P2RY2: variants seen among roughly 807,000 people sequenced by gnomAD.
The protein encoded by P2RY2 is purinergic receptor P2Y2.
For synonymous variants in P2RY2, 241 were observed against 231.9 expected (o/e 1.04, Z -0.35); for missense variants, 567 against 515.7 (o/e 1.10, Z -0.96).
chr11:73,230,650 A>G (rs998657257), intron 2 of P2RY2, among the ~76,000 whole-genome samples: 1 of 152,068 alleles, frequency 6.6e-6, no homozygotes, highest in Non-Finnish European at 1.5e-5. Context: ...AAGAGCCGTG[A>G]GTTTAACAGG....
chr11:73,234,136 C>A lies in P2RY2; in HGVS notation c.-4-20C>A. 6.3e-7 allele frequency: 1 copy of A among 1,582,346 alleles called. No individual in the cohort carries two copies. Among genetic ancestry groups the A allele is most frequent in the South Asian group, 1.2e-5 (1 of 85,230 alleles). On this transcript the variant is annotated intron_variant, in intron 2 of 2. Coordinates refer to ENST00000393597, the MANE Select transcript of P2RY2 (RefSeq NM_002564.4). Reference sequence around the variant, plus strand: ...GCTCCGGCCACAACCCTGATGGCCCCACCCCTCCCTTCCCTGCAGGGCGAT... The same window carrying A: ...GCTCCGGCCACAACCCTGATGGCCCAACCCCTCCCTTCCCTGCAGGGCGAT...
At position 73,239,345 on chromosome 11, in the gene P2RY2, T is replaced by C. The variant is rs1862726077; in HGVS notation, c.*4052T>C. 1 of 152,276 alleles carries C rather than the reference T, an allele frequency of 6.6e-6. No homozygotes were observed. Among genetic ancestry groups the C allele is most frequent in the African/African-American group, 2.4e-5 (1 of 41,452 alleles). The allele number at this position is 152,276 out of a possible 1,614,324, so 9.4% of individuals were successfully genotyped here. On this transcript the variant is annotated 3_prime_UTR_variant, in exon 3 of 3. Transcript: ENST00000393597. Reference sequence around the variant, plus strand: ...GGACCACCTCTGCCCTGCTTGGCAGTAGGTGGATTTCAGGACCATGGGCCT... The same window carrying C: ...GGACCACCTCTGCCCTGCTTGGCAGCAGGTGGATTTCAGGACCATGGGCCT...
chr11:73,228,786 G>A (rs752068931), intron 2 of P2RY2, among the ~76,000 whole-genome samples: 1 of 152,196 alleles, frequency 6.6e-6, no homozygotes, highest in Non-Finnish European at 1.5e-5. Flanking sequence ...TCCTTGAGAG[G>A]CCCTCAGAGG....
In P2RY2 at chr11:73,234,819, C is replaced by A; in HGVS notation, c.660C>A (p.Leu220=). Reference sequence around the variant, plus strand: ...CCGTCATCCTTGTCTGTTACGTGCTCATGGCTCGGCGACTGCTAAAGCCAG... The same window carrying A: ...CCGTCATCCTTGTCTGTTACGTGCTAATGGCTCGGCGACTGCTAAAGCCAG... The part of the protein sequence containing the change: ...PFAVILVCYV[L]MARRLLKPAY... The change falls in exon 3 of 3, where the codon CTC becomes CTA. Residue 220 remains leucine, a synonymous_variant. Coordinates refer to ENST00000393597, the MANE Select transcript of P2RY2 (RefSeq NM_002564.4). 1 of 1,611,614 alleles carries A rather than the reference C, an allele frequency of 6.2e-7. No individual in the cohort carries two copies. The highest frequency in any genetic ancestry group is 8.5e-7 in the Non-Finnish European group (1 of 1,179,964).
At chr11:73,225,179 A>C (rs1862242448) in intron 1 of P2RY2, among the ~76,000 whole-genome samples, 1 of 152,220 alleles carries the variant, frequency 6.6e-6, no homozygotes, top group Non-Finnish European at 1.5e-5. Context: ...GGCACATTCC[A>C]GAGCCACTCT....
chr11:73,225,798 G>A (rs547783898), intron 1 of P2RY2, among the ~76,000 whole-genome samples: 2 of 152,298 alleles, frequency 1.3e-5, no homozygotes, highest in African/African-American at 2.4e-5. Context: ...ATATGACCAT[G>A]GGACTGCTTT....
In P2RY2 at chr11:73,235,801, T is replaced by C. The variant is rs576598473; in HGVS notation, c.*508T>C. On this transcript the variant is annotated 3_prime_UTR_variant, in exon 3 of 3. Coordinates refer to ENST00000393597, the MANE Select transcript of P2RY2 (RefSeq NM_002564.4). ...GAATGGACTGGGTGCCACGGTGGACTTAGCTCTGAGGAGTACCCCCAGCCC... is the reference window on the plus strand; with the variant it reads ...GAATGGACTGGGTGCCACGGTGGACCTAGCTCTGAGGAGTACCCCCAGCCC... 2 of 1,001,322 alleles carry C rather than the reference T, an allele frequency of 2.0e-6. No homozygotes were observed. The highest frequency in any genetic ancestry group is 3.5e-5 in the African/African-American group (2 of 57,356). 62.0% of individuals were successfully genotyped at this position (1,001,322 alleles called of 1,614,324 possible). A position where few individuals can be genotyped will look rare whatever the true frequency, so the allele number is the denominator to read the frequency against.
rs750522590 is a variant in P2RY2, at chr11:73,234,361, T to C, written c.202T>C (p.Ser68Pro). Residue 68 changes from serine to proline, a missense_variant, in exon 3 of 3, where the codon TCC becomes CCC. Coordinates refer to ENST00000393597, the MANE Select transcript of P2RY2 (RefSeq NM_002564.4). ...GTGCCGCCTCAAGACCTGGAATGCG[T>C]CCACCACATATATGTTCCACCTGGC... ...FLCRLKTWNA[S>P]TTYMFHLAVS... The C allele has an allele frequency of 1.9e-6, 3 of 1,614,230 alleles. No homozygotes were observed. The highest frequency in any genetic ancestry group is 2.2e-5 in the East Asian group (1 of 44,890).
At chr11:73,226,500 C>T (rs1862281879) in intron 1 of P2RY2, among the ~76,000 whole-genome samples, 1 of 152,076 alleles carries the variant, frequency 6.6e-6, no homozygotes, top group Non-Finnish European at 1.5e-5. Flanking sequence ...TTCCCGTGTG[C>T]ACCCACGCCC....
rs1434838126 is a variant in P2RY2, at chr11:73,241,863, C to G, written c.*6570C>G. ...CACCTTTGTAAAAACAGTCTCTCCG[C>G]TAAGCTATCCCAAAATGACCTGATT... is the stretch of plus-strand genomic sequence containing the variant. On this transcript the variant is annotated 3_prime_UTR_variant, in exon 3 of 3. Coordinates refer to ENST00000393597, the MANE Select transcript of P2RY2 (RefSeq NM_002564.4). 1 of 152,314 alleles carries G rather than the reference C, an allele frequency of 6.6e-6. No individual in the cohort carries two copies. The highest frequency in any genetic ancestry group is 2.4e-5 in the African/African-American group (1 of 41,440). The allele number at this position is 152,314 out of a possible 1,614,324, so 9.4% of individuals were successfully genotyped here.
chr11:73,238,806 C>T lies in P2RY2; in HGVS notation c.*3513C>T, dbSNP rs190879874. On this transcript the variant is annotated 3_prime_UTR_variant, in exon 3 of 3. Transcript: ENST00000393597. ...GAATCATGCCCTTTATAGTGCCCCA[C>T]GACACTCACAGCCCTGCAGGGCAGA... 2.8e-3 allele frequency among the ~76,000 whole-genome samples: 425 copies of T among 152,294 alleles called. 1 individual carries two copies. The highest frequency in any genetic ancestry group is 6.8e-3 in the Middle Eastern group (2 of 294).
intron 1 of P2RY2, among the ~76,000 whole-genome samples, chr11:73,226,234 G>C (rs1862274764): frequency 6.6e-6 from 1 of 152,190 alleles, no homozygotes; most frequent in Non-Finnish European, 1.5e-5. Flanking sequence ...AACCTGGAAG[G>C]ATGGTGGGGG....
intron 1 of P2RY2, among the ~76,000 whole-genome samples, chr11:73,227,365 T>C (rs1050994649): frequency 1.3e-5 from 2 of 152,078 alleles, no homozygotes; most frequent in Non-Finnish European, 2.9e-5. Context: ...TGTGTGTGTG[T>C]GCATCCGTTT....
At chr11:73,230,228 T>C (rs762124672) in intron 2 of P2RY2, among the ~76,000 whole-genome samples, 1 of 152,032 alleles carries the variant, frequency 6.6e-6, no homozygotes, top group Non-Finnish European at 1.5e-5. Context: ...ATACTTGCCA[T>C]GGCTGACACT....
intron 1 of P2RY2, among the ~76,000 whole-genome samples, chr11:73,223,400 C>T (rs530556457): frequency 4.1e-4 from 63 of 152,300 alleles, no homozygotes; most frequent in African/African-American, 1.4e-3. Flanking sequence ...CCTGGGAGGG[C>T]CTCCCTACCA....
intron 2 of P2RY2, among the ~76,000 whole-genome samples, chr11:73,231,288 G>C (rs547909668): frequency 6.6e-6 from 1 of 151,668 alleles, no homozygotes; most frequent in East Asian, 1.9e-4. Flanking sequence ...GCCCACACCT[G>C]TAATCCCAGC....
At position 73,228,191 on chromosome 11, in the gene P2RY2, G is replaced by GA. The variant is rs1862340361; in HGVS notation, c.-5+16_-5+17insA. 1 of 89,998 alleles carries GA rather than the reference G, an allele frequency of 1.1e-5. No individual in the cohort carries two copies. Among genetic ancestry groups the GA allele is most frequent in the African/African-American group, 3.7e-5 (1 of 27,078 alleles). The allele number at this position is 89,998 out of a possible 1,614,324, so 5.6% of individuals were successfully genotyped here. ...GGCTGGTCAGGTACGTGGGGTGGGG[G>GA]TGGGGGGGAGCGGGTACGCTGGCCG... On this transcript the variant is annotated intron_variant, in intron 2 of 2. Transcript: ENST00000393597.
intron 2 of P2RY2, among the ~76,000 whole-genome samples, chr11:73,228,942 G>A (rs1009174337): frequency 6.6e-6 from 1 of 152,124 alleles, no homozygotes; most frequent in African/African-American, 2.4e-5. Context: ...GGCTGCAGAG[G>A]GCTTGTGCCT....
In P2RY2 at chr11:73,234,221, T is replaced by C. The variant is rs1457589729; in HGVS notation, c.62T>C (p.Leu21Pro). ...TINGTWDGDE[L>P]GYRCRFNEDF... ...AATGGCACCTGGGATGGGGATGAGC[T>C]GGGCTACAGGTGCCGCTTCAACGAG... The change falls in exon 3 of 3, where the codon CTG becomes CCG. Residue 21 changes from leucine (L) to proline (P), a missense_variant. Physicochemically the swap from Leu to Pro is moderately conservative, Grantham distance 98. Transcript: ENST00000393597. 6.2e-7 allele frequency: 1 copy of C among 1,614,158 alleles called. No homozygotes were observed. Among genetic ancestry groups the C allele is most frequent in the Admixed American group, 1.7e-5 (1 of 60,016 alleles).
Sources: allele counts gnomAD v4.1 joint callset (sites outside exome capture counted in the v4.1 genomes callset), GRCh38; gene constraint gnomAD v4.1.1; transcripts MANE v1.5; gene names NCBI Gene and HGNC (gene_info 2026-07-23, HGNC 2026-07-21).